Variants in PRKN observed in about 807,000 individuals in gnomAD.
PRKN encodes the protein E3 ubiquitin-protein ligase parkin.
PRKN carries 56 observed loss-of-function variants against 59.5 expected under a neutral mutation model. The ratio of observed to expected loss-of-function variants is 0.94; its 90% CI spans 0.76 to 1.18. The LOEUF is 1.18. Among genes scored for constraint, PRKN ranks in the 50% most tolerant of loss-of-function variants. The pLI is 0.00. For missense variants in PRKN, 657 were observed against 596.4 expected (o/e 1.10, Z -1.06); for synonymous variants, 250 against 222.1 (o/e 1.13, Z -1.12).
intron 4 of PRKN, among the ~76,000 whole-genome samples, chr6:162,122,629 G>A (rs1440550796): frequency 6.6e-6 from 1 of 152,072 alleles, no homozygotes; most frequent in African/African-American, 2.4e-5. Flanking sequence ...AGAAGCAGCT[G>A]GGCTGATGGA....
At chr6:162,581,634 G>A (rs1299894883) in intron 1 of PRKN, among the ~76,000 whole-genome samples, 1 of 152,126 alleles carries the variant, frequency 6.6e-6, no homozygotes, top group Non-Finnish European at 1.5e-5. Context: ...AGTGACAGGC[G>A]ACTGTAATCC....
At chr6:162,523,556 T>C (rs1370904908) in intron 1 of PRKN, among the ~76,000 whole-genome samples, 2 of 152,012 alleles carry the variant, frequency 1.3e-5, no homozygotes, top group African/African-American at 2.4e-5. Flanking sequence ...TCCCAGCTAC[T>C]TGGGAGGCTG....
intron 6 of PRKN, among the ~76,000 whole-genome samples, chr6:161,939,063 G>A (rs1583374871): frequency 6.6e-6 from 1 of 152,092 alleles, no homozygotes; most frequent in East Asian, 1.9e-4. Context: ...TCTTGATTTT[G>A]AAAAGGAAAA....
chr6:161,832,391 C>G (rs796709547), intron 6 of PRKN, among the ~76,000 whole-genome samples: 1 of 151,814 alleles, frequency 6.6e-6, no homozygotes, highest in Non-Finnish European at 1.5e-5. Flanking sequence ...TTTGGGAGTC[C>G]GAGGTGGGCA....
intron 6 of PRKN, among the ~76,000 whole-genome samples, chr6:161,829,575 T>C (rs1389685061): frequency 6.6e-6 from 1 of 152,082 alleles, no homozygotes; most frequent in East Asian, 1.9e-4. Context: ...GCCCTGCTGG[T>C]GGTCTTGCCC....
At position 162,285,266 on chromosome 6, in the gene PRKN, ATTT is replaced by A. The variant is rs11392809; in HGVS notation, c.172-22504_172-22502del. Among the ~76,000 whole-genome samples the A allele has an allele frequency of 5.5e-3, 529 of 95,892 alleles. 8 individuals carry two copies. Among genetic ancestry groups the A allele is most frequent in the African/African-American group, 0.02 (504 of 24,926 alleles). The allele number at this position is 95,892 out of a possible 152,430, so 62.9% of individuals were successfully genotyped here. A position where few individuals can be genotyped will look rare whatever the true frequency, so the allele number is the denominator to read the frequency against. On this transcript the variant is annotated intron_variant, in intron 2 of 11. Coordinates refer to ENST00000366898, the MANE Select transcript of PRKN (RefSeq NM_004562.3). The stretch of plus-strand genomic sequence containing the variant: ...AGGGATCTTCACAGATATTTTGGAG[ATTT>A]TTTTTTTTTTTTTTTTTTTTTTCCG...
chr6:162,255,887 G>A (rs1779620736), intron 3 of PRKN, among the ~76,000 whole-genome samples: 2 of 152,144 alleles, frequency 1.3e-5, no homozygotes, highest in Non-Finnish European at 2.9e-5. Flanking sequence ...TTAATCCACT[G>A]AAGTAAATTA....
chr6:162,660,576 C>A (rs763782511), intron 1 of PRKN, among the ~76,000 whole-genome samples: 17 of 152,106 alleles, frequency 1.1e-4, no homozygotes, highest in Non-Finnish European at 1.9e-4. Context: ...TTATGCAGAC[C>A]TCTGAGACAG....
intron 1 of PRKN, among the ~76,000 whole-genome samples, chr6:162,509,531 G>A (rs1011770894): frequency 1.3e-5 from 2 of 152,202 alleles, no homozygotes; most frequent in Admixed American, 6.5e-5. Context: ...GGTAAATCAT[G>A]CATAATTCAT....
chr6:161,428,717 CA>C lies in PRKN; in HGVS notation c.1084-41841del, dbSNP rs1400202430. Among the ~76,000 whole-genome samples, 9 of 152,294 alleles carry C rather than the reference CA, an allele frequency of 5.9e-5. No individual in the cohort carries two copies. Among genetic ancestry groups the C allele is most frequent in the Admixed American group, 5.2e-4 (8 of 15,298 alleles). On this transcript the variant is annotated intron_variant, in intron 9 of 11. Coordinates refer to ENST00000366898, the MANE Select transcript of PRKN (RefSeq NM_004562.3). The surrounding 1 kb of genome is among the most constrained non-coding windows in gnomAD (Gnocchi z 4.0). ...CTCACAACCAAAAAAAGCACATTCACATTTTTTTTCTTTCATTTTTCTGCCT... is the reference window on the plus strand; with the variant it reads ...CTCACAACCAAAAAAAGCACATTCACTTTTTTTTCTTTCATTTTTCTGCCT...
chr6:161,631,555 T>A (rs1377327484), intron 7 of PRKN, among the ~76,000 whole-genome samples: 2 of 152,204 alleles, frequency 1.3e-5, no homozygotes, highest in African/African-American at 4.8e-5. Context: ...TAATTGCCTA[T>A]GGCATAAGGC....
At chr6:162,020,352 A>C (rs907096912) in intron 5 of PRKN, among the ~76,000 whole-genome samples, 6 of 148,182 alleles carry the variant, frequency 4.0e-5, no homozygotes, top group African/African-American at 1.6e-4. Flanking sequence ...AAAAAAAAAA[A>C]AAAAAACAGA....
intron 9 of PRKN, among the ~76,000 whole-genome samples, chr6:161,501,194 G>A (rs1006924308): frequency 2.6e-5 from 4 of 152,104 alleles, no homozygotes; most frequent in African/African-American, 7.2e-5. Context: ...CTAAGAAACT[G>A]CCAGACTGTC....
chr6:161,424,807 T>C (rs1788258520), intron 9 of PRKN, among the ~76,000 whole-genome samples: 1 of 152,142 alleles, frequency 6.6e-6, no homozygotes, highest in African/African-American at 2.4e-5. Context: ...TGCATGTTCC[T>C]TATTCTGCAG....
At chr6:161,716,099 G>A (rs765971432) in intron 7 of PRKN, 1 of 1,348,000 alleles carries the variant, frequency 7.4e-7, no homozygotes, top group Non-Finnish European at 9.8e-7. Context: ...AATCCCCCCA[G>A]AGCTCCTCTA....
chr6:162,005,144 T>C (rs188366163), intron 5 of PRKN, among the ~76,000 whole-genome samples: 5 of 152,192 alleles, frequency 3.3e-5, no homozygotes, highest in African/African-American at 4.8e-5. Flanking sequence ...TTAAATAAGT[T>C]AGTACAATTA....
In PRKN at chr6:161,985,487, T is replaced by C. The variant is rs548297247; in HGVS notation, c.619-12070A>G. 3.2e-3 allele frequency among the ~76,000 whole-genome samples: 494 copies of C among 152,312 alleles called. 1 individual carries two copies. Among genetic ancestry groups the C allele is most frequent in the Non-Finnish European group, 5.3e-3 (359 of 68,024 alleles). The stretch of plus-strand genomic sequence containing the variant: ...ACGAACATGTGTTAGCTGGTAATTA[T>C]TTACGAGAAACTGAGGAGACAGGTC... On this transcript the variant is annotated intron_variant, in intron 5 of 11. Transcript: ENST00000366898.
At position 161,732,607 on chromosome 6, in the gene PRKN, A is replaced by G. The variant is rs115224639; in HGVS notation, c.871+53165T>C. On this transcript the variant is annotated intron_variant, in intron 7 of 11. Coordinates refer to ENST00000366898, the MANE Select transcript of PRKN (RefSeq NM_004562.3). ...ACACGATGCAAAGAAATACCTACTC[A>G]AAATATATACTCTTATTTTAAAAGT... is the stretch of plus-strand genomic sequence containing the variant. Among the ~76,000 whole-genome samples, 1,290 of 152,288 alleles carry G rather than the reference A, an allele frequency of 8.5e-3. 16 individuals are homozygous for G. The highest frequency in any genetic ancestry group is 0.03 in the African/African-American group (1,236 of 41,550).
intron 7 of PRKN, among the ~76,000 whole-genome samples, chr6:161,603,856 C>T (rs1480285379): frequency 6.6e-6 from 1 of 152,136 alleles, no homozygotes; most frequent in Non-Finnish European, 1.5e-5. Context: ...AAAGGGAAAT[C>T]CAAGAGAAGG....
Sources: allele counts gnomAD v4.1 joint callset (sites outside exome capture counted in the v4.1 genomes callset), GRCh38; gene constraint gnomAD v4.1.1; non-coding constraint Gnocchi (gnomAD v3.1); transcripts MANE v1.5; gene names NCBI Gene and HGNC (gene_info 2026-07-23, HGNC 2026-07-21).